ARHGAP45: variants seen among roughly 807,000 people sequenced by gnomAD.
The protein encoded by ARHGAP45 is Rho GTPase activating protein 45, also known as rho GTPase-activating protein 45.
ARHGAP45 carries 56 observed loss-of-function variants against 116.1 expected under a neutral mutation model. That is an observed-to-expected ratio of 0.48 (90% CI 0.39 to 0.60). The LOEUF (loss-of-function observed/expected upper bound fraction) is 0.60, where lower values mean the gene tolerates loss of function less well. Among genes scored for constraint, ARHGAP45 ranks in the 20% least tolerant of loss-of-function variants. ARHGAP45 has a pLI of 0.00. For missense variants in ARHGAP45, 1,622 were observed against 1,601.0 expected (o/e 1.01, Z -0.22); for synonymous variants, 866 against 701.7 (o/e 1.23, Z -3.70).
rs974045753 is a variant in ARHGAP45, at chr19:1,086,105, T to G, written c.*99T>G. 1.8e-6 allele frequency: 2 copies of G among 1,142,174 alleles called. No homozygotes were observed. The highest frequency in any genetic ancestry group is 2.5e-6 in the Non-Finnish European group (2 of 805,780). The allele number at this position is 1,142,174 out of a possible 1,614,324, so 70.8% of individuals were successfully genotyped here. ...ACGGCATAGCTTAGGTGCGCCGTCCTGGGGTCGCTGCCGAGAGCGCCTGGA... is the reference window on the plus strand; with the variant it reads ...ACGGCATAGCTTAGGTGCGCCGTCCGGGGGTCGCTGCCGAGAGCGCCTGGA... On this transcript the variant is annotated 3_prime_UTR_variant, in exon 23 of 23. Coordinates refer to ENST00000313093, the MANE Select transcript of ARHGAP45 (RefSeq NM_012292.5).
intron 22 of ARHGAP45, among the ~76,000 whole-genome samples, chr19:1,084,775 C>T (rs1340971599): frequency 1.3e-5 from 2 of 152,160 alleles, no homozygotes; most frequent in Non-Finnish European, 2.9e-5. Flanking sequence ...TGTTGTCTGT[C>T]TTCACACTGC....
rs778232402 is a variant in ARHGAP45, at chr19:1,085,775, C to T, written c.3180C>T (p.Ser1060=). 38 of 1,612,628 alleles carry T rather than the reference C, an allele frequency of 2.4e-5. No individual in the cohort carries two copies. Among genetic ancestry groups the T allele is most frequent in the African/African-American group, 1.6e-4 (12 of 75,006 alleles). The change falls in exon 23 of 23, where the codon AGC becomes AGT. Residue 1060 remains serine (S), a synonymous_variant. Coordinates refer to ENST00000313093, the MANE Select transcript of ARHGAP45 (RefSeq NM_012292.5). ...TCAGCTTCCTGGAGCAGCAGCAGAG[C>T]GAGGCCAGCCTAGAGGTGGCTTCTG... ...GHLSFLEQQQ[S]EASLEVASGS...
intron 13 of ARHGAP45, 29 bp from the exon 14 acceptor site, chr19:1,080,226 C>A: frequency 6.2e-7 from 1 of 1,611,682 alleles, no homozygotes; most frequent in Non-Finnish European, 8.5e-7. Context: ...CCCATCACCT[C>A]CCCTCCTTTT....
chr19:1,072,034 TCTTTTCTTTC>T (rs2043150278), intron 2 of ARHGAP45, among the ~76,000 whole-genome samples: 1 of 150,236 alleles, frequency 6.7e-6, no homozygotes, highest in African/African-American at 2.4e-5. Flanking sequence ...TTCCTTCTTT[TCTTTTCTTTC>T]CTTTTCTTTC....
In ARHGAP45 at chr19:1,068,617, C is replaced by T; in HGVS notation, c.294C>T (p.Ala98=). The T allele has an allele frequency of 6.2e-7, 1 of 1,611,550 alleles. No homozygotes were observed. The highest frequency in any genetic ancestry group is 8.5e-7 in the Non-Finnish European group (1 of 1,179,300). ...GRSHRSPLTA[A]SPGELPTEGA... ...GCCACCGGAGCCCACTGACAGCCGC[C>T]AGCCCGGGCGAGCTGCCCACCGAGG... Residue 98 remains alanine, a synonymous_variant, in exon 2 of 23, where the codon GCC becomes GCT. Coordinates refer to ENST00000313093, the MANE Select transcript of ARHGAP45 (RefSeq NM_012292.5). This position sits in a 1 kb window ranked among gnomAD's most constrained non-coding sequence, Gnocchi z 7.5.
Position 1,080,379 on chromosome 19 carries a change from G to T in ARHGAP45, c.1828G>T (p.Ala610Ser). ...TEGTPAKDHR[A>S]GRGHQVHKSW... ...GGGCACACCTGCCAAGGACCACAGG[G>T]GTGAGTGTCCGGCGGGGCCCAGGGG... The change falls in exon 14 of 23, where the codon GCC (alanine) becomes TCC (serine). Residue 610 changes from alanine to serine, a missense_variant and splice_region_variant. By Grantham distance (99) the Ala-to-Ser change is moderately conservative (BLOSUM62 1). Coordinates refer to ENST00000313093, the MANE Select transcript of ARHGAP45 (RefSeq NM_012292.5). The T allele has an allele frequency of 6.2e-7, 1 of 1,607,900 alleles. No individual in the cohort carries two copies. The highest frequency in any genetic ancestry group is 8.5e-7 in the Non-Finnish European group (1 of 1,178,922).
Position 1,074,663 on chromosome 19 carries a change from T to C in ARHGAP45, c.1043T>C (p.Leu348Pro). 1 of 1,610,526 alleles carries C rather than the reference T, an allele frequency of 6.2e-7. No homozygotes were observed. The highest frequency in any genetic ancestry group is 8.5e-7 in the Non-Finnish European group (1 of 1,179,164). ...TACTCGCTGGCCCTGGAGCAGGACC[T>C]GGAGTTCGGCCACAGCATGGTGCAG... Reference protein sequence around the residue: ...SIYSLALEQDLEFGHSMVQAV... With the variant: ...SIYSLALEQDPEFGHSMVQAV... The change falls in exon 9 of 23, where the codon CTG becomes CCG. Residue 348 changes from leucine to proline, a missense_variant. Leu to Pro is a moderately conservative substitution (Grantham distance 98, BLOSUM62 -3). This residue lies in a region of ARHGAP45 where 1,334 missense variants were observed against 1,263.8 expected (regional missense o/e 1.06). Coordinates refer to ENST00000313093, the MANE Select transcript of ARHGAP45 (RefSeq NM_012292.5).
chr19:1,085,810 G>A lies in ARHGAP45; in HGVS notation c.3215G>A (p.Ser1072Asn). ...ASLEVASGSH[S>N]GSEEQLEATA... ...CTAGAGGTGGCTTCTGGCAGCCACA[G>A]CGGCAGTGAGGAGCAGCTGGAGGCC... The change falls in exon 23 of 23, where the codon AGC (serine) becomes AAC (asparagine). Residue 1072 changes from serine (S) to asparagine (N), a missense_variant. By Grantham distance (46) the Ser-to-Asn change is conservative. Coordinates refer to ENST00000313093, the MANE Select transcript of ARHGAP45 (RefSeq NM_012292.5). 1 of 1,612,870 alleles carries A rather than the reference G, an allele frequency of 6.2e-7. No homozygotes were observed. Among genetic ancestry groups the A allele is most frequent in the Non-Finnish European group, 8.5e-7 (1 of 1,179,896 alleles).
intron 11 of ARHGAP45, among the ~76,000 whole-genome samples, chr19:1,078,253 C>T (rs113564647): frequency 0.39 from 58,868 of 151,050 alleles, 11,443 homozygotes; most frequent in Middle Eastern, 0.44. Flanking sequence ...ACGCCATTCT[C>T]CTGCCTCAGC....
intron 17 of ARHGAP45, chr19:1,081,337 G>T: frequency 3.1e-6 from 2 of 647,532 alleles, no homozygotes; most frequent in Non-Finnish European, 5.1e-6. Flanking sequence ...CCCTGGAGCT[G>T]TGTCCAGAAA....
intron 11 of ARHGAP45, among the ~76,000 whole-genome samples, 174 bp from the exon 12 acceptor site, chr19:1,079,529 G>C (rs554942639): frequency 1.5e-3 from 228 of 151,238 alleles, no homozygotes; most frequent in Middle Eastern, 6.8e-3. Flanking sequence ...AAGATGGGGA[G>C]GGTCTCACCA....
chr19:1,080,245 C>A lies in ARHGAP45; in HGVS notation c.1704-10C>A. 6.2e-7 allele frequency: 1 copy of A among 1,612,488 alleles called. No homozygotes were observed. The highest frequency in any genetic ancestry group is 8.5e-7 in the Non-Finnish European group (1 of 1,179,798). On this transcript the variant is annotated splice_polypyrimidine_tract_variant and intron_variant, in intron 13 of 22. Coordinates refer to ENST00000313093, the MANE Select transcript of ARHGAP45 (RefSeq NM_012292.5). ...TCACCTCCCCTCCTTTTCCCGGTTT[C>A]TTCCACTAGGTCCCCCGTCATGCGT...
intron 21 of ARHGAP45, among the ~76,000 whole-genome samples, chr19:1,083,785 G>A (rs900324233): frequency 6.6e-6 from 1 of 152,202 alleles, no homozygotes; most frequent in African/African-American, 2.4e-5. Context: ...CTGCTGCCCA[G>A]GCTGAAGTGC....
Position 1,074,127 on chromosome 19 carries a change from G to A in ARHGAP45, c.814G>A (p.Asp272Asn). The A allele has an allele frequency of 1.9e-6, 3 of 1,613,082 alleles. No individual in the cohort carries two copies. The highest frequency in any genetic ancestry group is 2.5e-6 in the Non-Finnish European group (3 of 1,179,852). The change falls in exon 7 of 23, where the codon GAC becomes AAC. Residue 272 changes from aspartate to asparagine, a missense_variant. By Grantham distance (23) the Asp-to-Asn change is conservative. Coordinates refer to ENST00000313093, the MANE Select transcript of ARHGAP45 (RefSeq NM_012292.5). ...DAGCLPAEEV[D>N]VLLQRCEGGV... ...AGGCTGCCTGCCCGCCGAGGAGGTG[G>A]ACGTGCTGCTACAGCGCTGTGAGGG...
Position 1,073,922 on chromosome 19 carries a change from G to T in ARHGAP45, c.724-26G>T, listed in dbSNP as rs1199273207. 7 of 1,538,310 alleles carry T rather than the reference G, an allele frequency of 4.6e-6. No homozygotes were observed. The South Asian group carries it at 7.3e-5, about 16-fold the overall frequency. On this transcript the variant is annotated intron_variant, in intron 5 of 22. Coordinates refer to ENST00000313093, the MANE Select transcript of ARHGAP45 (RefSeq NM_012292.5). ...CTGCCCAGGGCCCCGCATGGGGCTG[G>T]TCTCACCTGCGTCTCCGTCCTACAG... is the stretch of plus-strand genomic sequence containing the variant.
chr19:1,079,055 C>T (rs944929666), intron 11 of ARHGAP45, among the ~76,000 whole-genome samples: 10 of 151,738 alleles, frequency 6.6e-5, no homozygotes, highest in African/African-American at 2.4e-4. Flanking sequence ...TGGTGGGCGC[C>T]TGTAGTCCCA....
chr19:1,068,536 C>A lies in ARHGAP45; in HGVS notation c.213C>A (p.His71Gln). 2 of 1,607,640 alleles carry A rather than the reference C, an allele frequency of 1.2e-6. No individual in the cohort carries two copies. Among genetic ancestry groups the A allele is most frequent in the Non-Finnish European group, 1.7e-6 (2 of 1,177,610 alleles). Residue 71 changes from histidine to glutamine, a missense_variant, in exon 2 of 23, where the codon CAC becomes CAA. His to Gln is a conservative substitution (Grantham distance 24). Transcript: ENST00000313093. This position sits in a 1 kb window ranked among gnomAD's most constrained non-coding sequence, Gnocchi z 7.5. Reference sequence around the variant, plus strand: ...AGCGGCCCACCAGCCTGAGCCGCCACGCCAGCGCGGCTGGCTTCCCCCTGT... The same window carrying A: ...AGCGGCCCACCAGCCTGAGCCGCCAAGCCAGCGCGGCTGGCTTCCCCCTGT... ...TLKRPTSLSR[H>Q]ASAAGFPLSG...
At chr19:1,070,166 T>G (rs967952978) in intron 2 of ARHGAP45, among the ~76,000 whole-genome samples, 1 of 151,694 alleles carries the variant, frequency 6.6e-6, no homozygotes, top group African/African-American at 2.4e-5. Context: ...TGGCTAATTT[T>G]TGTATTTTTA....
At chr19:1,077,111 G>T in intron 10 of ARHGAP45, 1 of 985,386 alleles carries the variant, frequency 1.0e-6, no homozygotes, top group African/African-American at 1.7e-5. Flanking sequence ...CGAGCCCACA[G>T]GTTTTTGACT....
Sources: gnomAD v4.1 joint callset for allele counts (sites outside exome capture counted in the v4.1 genomes callset) on GRCh38, gnomAD v4.1.1 for gene constraint, gnomAD v4.1.1 regional missense constraint, Gnocchi (gnomAD v3.1) non-coding constraint, MANE v1.5 for transcripts, NCBI Gene and HGNC (gene_info 2026-07-23, HGNC 2026-07-21) for gene names.